Variants in TUSC3 observed in about 807,000 individuals in gnomAD.
The protein encoded by TUSC3 is tumor suppressor candidate 3, also known as dolichyl-diphosphooligosaccharide--protein glycosyltransferase subunit TUSC3.
A neutral mutation model predicts 44.8 loss-of-function variants in TUSC3; 45 were observed. The ratio of observed to expected loss-of-function variants is 1.00; its 90% CI spans 0.79 to 1.29. The LOEUF (loss-of-function observed/expected upper bound fraction) is 1.29. Among genes scored for constraint, TUSC3 ranks in the 50% most tolerant of loss-of-function variants. TUSC3 has a pLI of 0.00. For synonymous variants in TUSC3, 212 were observed against 152.9 expected (o/e 1.39, Z -2.85); for missense variants, 519 against 437.9 (o/e 1.19, Z -1.65).
At chr8:15,801,825 G>A in the TUSC3 span, among the ~76,000 whole-genome samples, 4 of 152,160 alleles carry the variant, frequency 2.6e-5, no homozygotes, top group Non-Finnish European at 5.9e-5. Flanking sequence ...GGTATAAATA[G>A]GCAATGCTGT....
chr8:15,619,586 G>T (rs533614075), intron 1 of TUSC3, among the ~76,000 whole-genome samples: 3 of 151,976 alleles, frequency 2.0e-5, no homozygotes, highest in Non-Finnish European at 4.4e-5. Flanking sequence ...CCACTTCCTG[G>T]GTTCACGCCA....
intron 1 of TUSC3, among the ~76,000 whole-genome samples, chr8:15,448,865 A>C (rs1216579265): frequency 2.0e-5 from 3 of 152,186 alleles, no homozygotes; most frequent in Non-Finnish European, 1.5e-5. Context: ...ATAAGATCAT[A>C]GTAGAGGTGA....
intron 1 of TUSC3, among the ~76,000 whole-genome samples, chr8:15,551,160 T>G (rs2129136593): frequency 6.6e-6 from 1 of 151,854 alleles, no homozygotes; most frequent in Non-Finnish European, 1.5e-5. Flanking sequence ...AGTTTCCCAT[T>G]AGTTCTCTGA....
intron 1 of TUSC3, among the ~76,000 whole-genome samples, chr8:15,574,218 C>T (rs1033341424): frequency 1.3e-5 from 2 of 152,128 alleles, no homozygotes; most frequent in East Asian, 1.9e-4. Flanking sequence ...TAATTCCTTA[C>T]TCCCACCCTT....
rs972312274 is a variant in TUSC3, at chr8:15,540,594, C to A, written c.138+26C>A. 4.6e-6 allele frequency: 7 copies of A among 1,528,644 alleles called. 1 individual carries two copies. The South Asian group carries it at 8.4e-5, about 18-fold the overall frequency. The allele number at this position is 1,528,644 out of a possible 1,614,324, so 94.7% of individuals were successfully genotyped here. On this transcript the variant is annotated intron_variant, in intron 1 of 10. Transcript: ENST00000503731. The stretch of plus-strand genomic sequence containing the variant: ...GTAGAATGGATCCCCTTGGCCTTCC[C>A]CTGTGGGCGGGGGCGGGCCAGGGTG...
chr8:15,434,461 G>A (rs1452025157), intron 1 of TUSC3, among the ~76,000 whole-genome samples: 4 of 147,876 alleles, frequency 2.7e-5, no homozygotes, highest in Non-Finnish European at 4.5e-5. Context: ...ATGAAATCTT[G>A]TTTAATGGGA....
the TUSC3 span, among the ~76,000 whole-genome samples, chr8:15,783,374 C>T: frequency 2.0e-5 from 3 of 151,996 alleles, no homozygotes; most frequent in Non-Finnish European, 4.4e-5. Flanking sequence ...AAAAACAAAT[C>T]CTAAAATGTA....
chr8:15,597,839 T>TA, intron 1 of TUSC3, among the ~76,000 whole-genome samples: 1 of 152,200 alleles, frequency 6.6e-6, no homozygotes, highest in South Asian at 2.1e-4. Flanking sequence ...CCTACATTTT[T>TA]AAGGCATTTG....
chr8:15,778,251 T>A, the TUSC3 span, among the ~76,000 whole-genome samples: 2 of 152,176 alleles, frequency 1.3e-5, no homozygotes, highest in Admixed American at 1.3e-4. Context: ...TTCTGAAAAC[T>A]GCAATTCATA....
At chr8:15,427,801 T>C (rs1799823187) in intron 1 of TUSC3, among the ~76,000 whole-genome samples, 1 of 152,116 alleles carries the variant, frequency 6.6e-6, no homozygotes, top group African/African-American at 2.4e-5. Flanking sequence ...CTGTGCTTTG[T>C]TGTCATACTC....
At chr8:15,618,402 C>CT (rs1201159166) in intron 1 of TUSC3, among the ~76,000 whole-genome samples, 3 of 152,026 alleles carry the variant, frequency 2.0e-5, no homozygotes, top group African/African-American at 7.2e-5. Flanking sequence ...ATTCTGTAAG[C>CT]TTTTTTCTGA....
the TUSC3 span, among the ~76,000 whole-genome samples, chr8:15,810,192 T>A: frequency 3.3e-5 from 5 of 152,070 alleles, no homozygotes; most frequent in Admixed American, 3.3e-4. Flanking sequence ...AATCAGAAAT[T>A]TGGGGGTGGG....
At chr8:15,509,968 G>A (rs1296637464) in intron 2 of TUSC3, among the ~76,000 whole-genome samples, 1 of 152,122 alleles carries the variant, frequency 6.6e-6, no homozygotes. Flanking sequence ...CCAAGAGTTT[G>A]AGAGCAGCCT....
At chr8:15,501,498 C>T (rs1278001967) in intron 2 of TUSC3, among the ~76,000 whole-genome samples, 2 of 152,190 alleles carry the variant, frequency 1.3e-5, no homozygotes, top group Non-Finnish European at 2.9e-5. Flanking sequence ...GCCTAAACTA[C>T]TGTAGCTGCA....
At chr8:15,617,355 G>A (rs776414725) in intron 1 of TUSC3, among the ~76,000 whole-genome samples, 4 of 151,792 alleles carry the variant, frequency 2.6e-5, no homozygotes, top group Admixed American at 1.3e-4. Flanking sequence ...GGCCGGGGTG[G>A]TCTCGAACTC....
At chr8:15,682,265 C>T (rs1246102069) in intron 6 of TUSC3, among the ~76,000 whole-genome samples, 1 of 152,072 alleles carries the variant, frequency 6.6e-6, no homozygotes, top group Admixed American at 6.6e-5. Flanking sequence ...TCTCGACATT[C>T]CCCACTATTA....
intron 7 of TUSC3, among the ~76,000 whole-genome samples, chr8:15,731,564 G>A (rs577510463): frequency 6.6e-6 from 1 of 152,052 alleles, no homozygotes; most frequent in East Asian, 1.9e-4. Context: ...GAACACTAGA[G>A]CCCACAAAGG....
intron 7 of TUSC3, among the ~76,000 whole-genome samples, chr8:15,735,511 T>C (rs970128556): frequency 6.6e-6 from 1 of 152,184 alleles, no homozygotes; most frequent in Non-Finnish European, 1.5e-5. Context: ...AGCCAATCAG[T>C]TGAAGAGTCA....
Position 15,430,844 on chromosome 8 carries a change from CAGAG to C in TUSC3, n.91+13542_91+13545del, listed in dbSNP as rs777329771. ...TTCTTATACACCAATAACAGACAAACAGAGAGCCAATTTTATTCTTTTTGCATCT... is the reference window on the plus strand; with the variant it reads ...TTCTTATACACCAATAACAGACAAACAGCCAATTTTATTCTTTTTGCATCT... On this transcript the variant is annotated intron_variant and non_coding_transcript_variant, in intron 1 of 5. Transcript: ENST00000503191. Among the ~76,000 whole-genome samples, 25 of 151,842 alleles carry C rather than the reference CAGAG, an allele frequency of 1.6e-4. 1 individual carries two copies. The South Asian group carries it at 2.5e-3, about 15-fold the overall frequency.
Sources: gnomAD v4.1 joint callset for allele counts (sites outside exome capture counted in the v4.1 genomes callset) on GRCh38, gnomAD v4.1.1 for gene constraint, MANE v1.5 for transcripts, NCBI Gene and HGNC (gene_info 2026-07-23, HGNC 2026-07-21) for gene names.